The following FAF1 variants were observed in gnomAD, a reference collection of about 807,000 sequenced individuals.
FAF1 encodes the protein FAS-associated factor 1.
A neutral mutation model predicts 92.5 loss-of-function variants in FAF1; 25 were observed. That is an observed-to-expected ratio of 0.27 (90% CI 0.20 to 0.38). The LOEUF is 0.38. FAF1 is among the 10% of genes least tolerant of loss of function. FAF1 has a pLI of 1.00. For missense variants in FAF1, 636 were observed against 793.3 expected, an observed-to-expected ratio of 0.80 and a Z score of 2.38; for synonymous variants, 234 against 273.2, an observed-to-expected ratio of 0.86 and a Z score of 1.42.
intron 7 of FAF1, among the ~76,000 whole-genome samples, chr1:50,687,163 C>T (rs1367855757): frequency 6.6e-6 from 1 of 152,022 alleles, no homozygotes; most frequent in East Asian, 1.9e-4. Flanking sequence ...ACCCAAGTGG[C>T]ATAATTCCCG....
At chr1:50,775,585 G>C (rs776650214) in intron 4 of FAF1, among the ~76,000 whole-genome samples, 1 of 152,028 alleles carries the variant, frequency 6.6e-6, no homozygotes, top group Non-Finnish European at 1.5e-5. Context: ...AAACAGAATA[G>C]AGGAAATACA....
intron 4 of FAF1, among the ~76,000 whole-genome samples, chr1:50,774,070 T>A (rs1660867463): frequency 6.6e-6 from 1 of 152,168 alleles, no homozygotes; most frequent in Non-Finnish European, 1.5e-5. Flanking sequence ...AATGACCCAA[T>A]AATAAATTAT....
intron 18 of FAF1, among the ~76,000 whole-genome samples, chr1:50,471,649 C>T (rs143512046): frequency 4.6e-5 from 7 of 152,236 alleles, no homozygotes; most frequent in Non-Finnish European, 1.0e-4. Flanking sequence ...TAGAAAAAGG[C>T]ACGTTCCCTA....
intron 2 of FAF1, among the ~76,000 whole-genome samples, chr1:50,802,337 G>A (rs1415515317): frequency 6.6e-6 from 1 of 152,036 alleles, no homozygotes; most frequent in Non-Finnish European, 1.5e-5. Flanking sequence ...TGATCCACCC[G>A]CCTCGGCCTC....
At position 50,582,825 on chromosome 1, in the gene FAF1, A is replaced by G; in HGVS notation, c.1032-126T>C. Reference sequence around the variant, plus strand: ...TCTAGTGCATACTAAACATAAAAACATTTCTTTAAAAGCTTGGAAATGAGC... The same window carrying G: ...TCTAGTGCATACTAAACATAAAAACGTTTCTTTAAAAGCTTGGAAATGAGC... On this transcript the variant is annotated intron_variant, in intron 11 of 18. Transcript: ENST00000396153. 4.8e-6 allele frequency: 3 copies of G among 620,380 alleles called. No individual in the cohort carries two copies. The South Asian group carries it at 6.4e-5, about 13-fold the overall frequency. 38.4% of individuals were successfully genotyped at this position (620,380 alleles called of 1,614,324 possible).
intron 1 of FAF1, among the ~76,000 whole-genome samples, chr1:50,860,997 C>G (rs953422643): frequency 6.6e-6 from 1 of 151,798 alleles, no homozygotes; most frequent in Non-Finnish European, 1.5e-5. Context: ...AACAATACAC[C>G]ACATTTTCTC....
chr1:50,507,776 G>A (rs542343158), intron 15 of FAF1, among the ~76,000 whole-genome samples: 1 of 152,004 alleles, frequency 6.6e-6, no homozygotes, highest in Non-Finnish European at 1.5e-5. Context: ...AGCAGTGAAA[G>A]GTTTTTAAAA....
At chr1:50,838,065 T>A (rs191135981) in intron 2 of FAF1, among the ~76,000 whole-genome samples, 112 of 152,024 alleles carry the variant, frequency 7.4e-4, no homozygotes, top group African/African-American at 2.7e-3. Context: ...ATACAATGTG[T>A]CCCTTAAAAA....
intron 12 of FAF1, among the ~76,000 whole-genome samples, chr1:50,574,824 C>T (rs1473112119): frequency 6.8e-6 from 1 of 146,862 alleles, no homozygotes; most frequent in Non-Finnish European, 1.5e-5. Flanking sequence ...TATTGTCTGA[C>T]AAACAGGTTT....
chr1:50,640,743 G>C (rs1654286514), intron 8 of FAF1, among the ~76,000 whole-genome samples: 1 of 150,846 alleles, frequency 6.6e-6, no homozygotes, highest in East Asian at 1.9e-4. Context: ...GATTTGTAAT[G>C]ATGTCCTCTT....
At chr1:50,796,369 A>G (rs983802978) in intron 3 of FAF1, among the ~76,000 whole-genome samples, 4 of 151,982 alleles carry the variant, frequency 2.6e-5, no homozygotes, top group Non-Finnish European at 4.4e-5. Context: ...CACCTTTTCC[A>G]TAAGTCTCTC....
At chr1:50,695,850 T>C (rs533692874) in intron 7 of FAF1, among the ~76,000 whole-genome samples, 13 of 152,220 alleles carry the variant, frequency 8.5e-5, no homozygotes, top group Non-Finnish European at 1.6e-4. Context: ...GGTTTTGCCA[T>C]GTTGGCCAGG....
rs1222165034 is a variant in FAF1, at chr1:50,836,172, T to TTTTTTTTG, written c.114+21756_114+21757insCAAAAAAA. ...GTGTGTTTTTGTTTTTTGTTTCTGT[T>TTTTTTTTG]TTTTTTTTTTTTTTTTTAGACAGGG... On this transcript the variant is annotated intron_variant, in intron 2 of 18. Transcript: ENST00000396153. 2.8e-4 allele frequency among the ~76,000 whole-genome samples: 38 copies of TTTTTTTTG among 134,746 alleles called. 2 individuals are homozygous for TTTTTTTTG. Among genetic ancestry groups the TTTTTTTTG allele is most frequent in the African/African-American group, 1.1e-3 (36 of 33,724 alleles). The allele number at this position is 134,746 out of a possible 152,430, so 88.4% of individuals were successfully genotyped here.
chr1:50,908,853 T>C (rs1644860954), intron 1 of FAF1, among the ~76,000 whole-genome samples: 1 of 152,244 alleles, frequency 6.6e-6, no homozygotes, highest in African/African-American at 2.4e-5. Flanking sequence ...GTCTTTTAAT[T>C]GGAGCATTTA....
intron 1 of FAF1, among the ~76,000 whole-genome samples, chr1:50,906,379 T>C (rs560194093): frequency 1.3e-5 from 2 of 152,244 alleles, no homozygotes; most frequent in African/African-American, 2.4e-5. Context: ...TTTGGTTCCA[T>C]ATGAACTTTA....
At chr1:50,615,169 A>C (rs1377728414) in intron 8 of FAF1, among the ~76,000 whole-genome samples, 3 of 152,184 alleles carry the variant, frequency 2.0e-5, no homozygotes, top group African/African-American at 7.2e-5. Flanking sequence ...TACTTAGCTT[A>C]GGTAATGGCC....
chr1:50,797,677 C>T (rs1050283754), intron 3 of FAF1, among the ~76,000 whole-genome samples: 4 of 151,962 alleles, frequency 2.6e-5, no homozygotes, highest in African/African-American at 9.7e-5. Context: ...AGAGCAAGAG[C>T]CTGTCTCCAA....
intron 7 of FAF1, among the ~76,000 whole-genome samples, chr1:50,656,589 T>C (rs1655123091): frequency 6.6e-6 from 1 of 152,098 alleles, no homozygotes; most frequent in Admixed American, 6.6e-5. Flanking sequence ...CAGCCAGTAA[T>C]TAAGAAGTGT....
intron 1 of FAF1, among the ~76,000 whole-genome samples, chr1:50,884,040 G>A (rs1234181392): frequency 3.3e-5 from 5 of 152,092 alleles, no homozygotes; most frequent in East Asian, 1.9e-4. Context: ...CAGGAGAATC[G>A]CTTGAACCCA....
Sources: allele counts gnomAD v4.1 joint callset (sites outside exome capture counted in the v4.1 genomes callset), GRCh38; gene constraint gnomAD v4.1.1; transcripts MANE v1.5; gene names NCBI Gene and HGNC (gene_info 2026-07-23, HGNC 2026-07-21).